The following STUM variants were observed in gnomAD, a reference collection of about 807,000 sequenced individuals.
The protein encoded by STUM is protein stum homolog.
Under a neutral mutation model 15.3 loss-of-function variants are expected in STUM, and 8 were observed. The observed-to-expected ratio is 0.52, with a 90% CI of 0.31 to 0.94. STUM has a LOEUF of 0.94. STUM is among the 40% of genes least tolerant of loss of function. The pLI is 0.05. For missense variants in STUM, 142 were observed against 204.9 expected, an observed-to-expected ratio of 0.69 and a Z score of 1.87; for synonymous variants, 78 against 88.7, an observed-to-expected ratio of 0.88 and a Z score of 0.68.
chr1:226,556,761 C>T (rs758166227), intron 1 of STUM, among the ~76,000 whole-genome samples: 1 of 152,132 alleles, frequency 6.6e-6, no homozygotes, highest in Non-Finnish European at 1.5e-5. Flanking sequence ...AGTCATGATG[C>T]CCTGTTAACT....
chr1:226,555,516 TA>T (rs1458048003), intron 1 of STUM, among the ~76,000 whole-genome samples: 1 of 152,256 alleles, frequency 6.6e-6, no homozygotes, highest in Non-Finnish European at 1.5e-5. Flanking sequence ...CTTTTCTTTT[TA>T]ACCCCATGCC....
At chr1:226,568,528 C>A (rs555074766) in intron 1 of STUM, among the ~76,000 whole-genome samples, 2 of 152,370 alleles carry the variant, frequency 1.3e-5, no homozygotes, top group East Asian at 1.9e-4. Flanking sequence ...CTTCCTTCAA[C>A]ACACATTTAA....
intron 1 of STUM, among the ~76,000 whole-genome samples, chr1:226,566,039 T>G (rs548851925): frequency 6.6e-6 from 1 of 152,330 alleles, no homozygotes; most frequent in Non-Finnish European, 1.5e-5. Flanking sequence ...CCTACCGTTT[T>G]GCATTTTTGT....
At position 226,600,457 on chromosome 1, in the gene STUM, G is replaced by A; in HGVS notation, c.383-209G>A. The A allele has an allele frequency of 3.3e-6, 2 of 610,588 alleles. No individual in the cohort carries two copies. Among genetic ancestry groups the A allele is most frequent in the Non-Finnish European group, 2.9e-6 (1 of 341,884 alleles). The allele number at this position is 610,588 out of a possible 1,614,324, so 37.8% of individuals were successfully genotyped here. A position where few individuals can be genotyped will look rare whatever the true frequency, so the allele number is the denominator to read the frequency against. ...TGGTGGGCAGACCACTGGCCACTGT[G>A]GCTGTCACCATGAGTACTGAGCACT... On this transcript the variant is annotated intron_variant, in intron 2 of 3. Transcript: ENST00000366788. This position sits in a 1 kb window ranked among gnomAD's most constrained non-coding sequence, Gnocchi z 5.2.
intron 1 of STUM, among the ~76,000 whole-genome samples, chr1:226,586,733 C>A (rs536225826): frequency 6.6e-6 from 1 of 152,292 alleles, no homozygotes; most frequent in South Asian, 2.1e-4. Context: ...TGTGAGGTTG[C>A]AAATTCTAAG....
chr1:226,561,132 G>T (rs1667534687), intron 1 of STUM, among the ~76,000 whole-genome samples: 1 of 152,148 alleles, frequency 6.6e-6, no homozygotes, highest in African/African-American at 2.4e-5. Flanking sequence ...AGGTCATGTA[G>T]GACGTTCCTC....
intron 3 of STUM, 69 bp from the exon 4 acceptor site, chr1:226,601,937 G>T: frequency 7.2e-7 from 1 of 1,392,896 alleles, no homozygotes. Context: ...TCTGGGCTAG[G>T]GGCACCTCCT....
intron 1 of STUM, among the ~76,000 whole-genome samples, chr1:226,590,859 G>A (rs757998677): frequency 7.9e-5 from 12 of 152,036 alleles, no homozygotes; most frequent in Admixed American, 1.3e-4. Flanking sequence ...CTGCTCCATC[G>A]CCTGCTCTCC....
rs993288827 is a variant in STUM, at chr1:226,552,252, T to G, written c.202+3146T>G. On this transcript the variant is annotated intron_variant, in intron 1 of 3. Transcript: ENST00000366788. The surrounding 1 kb of genome is among the most constrained non-coding windows in gnomAD (Gnocchi z 4.7). ...GATGTGCTGTCTCCTAGGGAGTGGC[T>G]GGAAAGGAGAAGTGATTTATGATCA... 1.3e-5 allele frequency among the ~76,000 whole-genome samples: 2 copies of G among 152,010 alleles called. No homozygotes were observed. Among genetic ancestry groups the G allele is most frequent in the Non-Finnish European group, 2.9e-5 (2 of 68,004 alleles).
chr1:226,594,311 G>C (rs1406955182), intron 1 of STUM, among the ~76,000 whole-genome samples: 2 of 152,158 alleles, frequency 1.3e-5, no homozygotes, highest in Non-Finnish European at 2.9e-5. Context: ...AATAAGGCAG[G>C]GTCAGTTTCA....
In STUM at chr1:226,565,895, G is replaced by C. The variant is rs1667616958; in HGVS notation, c.202+16789G>C. Among the ~76,000 whole-genome samples, 1 of 152,198 alleles carries C rather than the reference G, an allele frequency of 6.6e-6. No individual in the cohort carries two copies. The highest frequency in any genetic ancestry group is 2.4e-5 in the African/African-American group (1 of 41,450). ...TCTTTCACCTGGAGCCTTCATTTTG[G>C]AAGGTGCAACAGCTGCCCAGCCCAT... On this transcript the variant is annotated intron_variant, in intron 1 of 3. Coordinates refer to ENST00000366788, the MANE Select transcript of STUM (RefSeq NM_001003665.4). This position sits in a 1 kb window ranked among gnomAD's most constrained non-coding sequence, Gnocchi z 4.4.
rs1667330975 is a variant in STUM, at chr1:226,549,295, G to T, written c.202+189G>T. On this transcript the variant is annotated intron_variant, in intron 1 of 3. Transcript: ENST00000366788. This position sits in a 1 kb window ranked among gnomAD's most constrained non-coding sequence, Gnocchi z 6.8. ...CGCGTGGAGTGTGCACCCCAGAGGG[G>T]AGAGGCTGCGCTGGGGTCTCCGACC... 6.6e-6 allele frequency among the ~76,000 whole-genome samples: 1 copy of T among 152,180 alleles called. No individual in the cohort carries two copies. Among genetic ancestry groups the T allele is most frequent in the South Asian group, 2.1e-4 (1 of 4,832 alleles).
intron 2 of STUM, among the ~76,000 whole-genome samples, chr1:226,598,234 C>A (rs1668214236): frequency 6.6e-6 from 1 of 152,164 alleles, no homozygotes; most frequent in Non-Finnish European, 1.5e-5. Context: ...AGGAAATTTG[C>A]TGCTTCCCCA....
chr1:226,564,961 C>T (rs1667598550), intron 1 of STUM, among the ~76,000 whole-genome samples: 1 of 152,184 alleles, frequency 6.6e-6, no homozygotes, highest in South Asian at 2.1e-4. Flanking sequence ...CCTGCCCTCC[C>T]CCATGCATTT....
chr1:226,573,831 C>T (rs2102696672), intron 1 of STUM, among the ~76,000 whole-genome samples: 1 of 149,736 alleles, frequency 6.7e-6, no homozygotes, highest in South Asian at 2.2e-4. Context: ...TTCCAGTGTA[C>T]AATATACTTT....
At chr1:226,570,509 C>T (rs1229606205) in intron 1 of STUM, among the ~76,000 whole-genome samples, 1 of 152,202 alleles carries the variant, frequency 6.6e-6, no homozygotes, top group Admixed American at 6.5e-5. Flanking sequence ...CAGATGCAGT[C>T]GCCATTGTTT....
intron 3 of STUM, among the ~76,000 whole-genome samples, chr1:226,601,613 C>T (rs1473377761): frequency 6.6e-6 from 1 of 152,174 alleles, no homozygotes; most frequent in African/African-American, 2.4e-5. Flanking sequence ...TTTCTTCCTC[C>T]TTCTATCCAC....
At chr1:226,576,147 G>A (rs1420812731) in intron 1 of STUM, among the ~76,000 whole-genome samples, 1 of 152,236 alleles carries the variant, frequency 6.6e-6, no homozygotes, top group African/African-American at 2.4e-5. Flanking sequence ...CTCCTCTTCC[G>A]GCCGCTCCCT....
chr1:226,597,288 AC>A, intron 2 of STUM: 1 of 558,118 alleles, frequency 1.8e-6, no homozygotes, highest in South Asian at 1.5e-5. Context: ...AATCAAGTTT[AC>A]CAAAGACAAC....
Sources: allele counts gnomAD v4.1 joint callset (sites outside exome capture counted in the v4.1 genomes callset), GRCh38; gene constraint gnomAD v4.1.1; non-coding constraint Gnocchi (gnomAD v3.1); transcripts MANE v1.5; gene names NCBI Gene and HGNC (gene_info 2026-07-23, HGNC 2026-07-21).